Variants in ANO2 observed in about 807,000 individuals in gnomAD.
ANO2 encodes anoctamin 2, also known as anoctamin-2.
In ANO2, 101 loss-of-function variants were observed where a neutral mutation model predicts 124.2. That is an observed-to-expected ratio of 0.81 (90% CI 0.69 to 0.96). The LOEUF is 0.96. ANO2 is among the 40% of genes least tolerant of loss of function. The pLI is 0.00. For synonymous variants in ANO2, 486 were observed against 482.5 expected (o/e 1.01, Z -0.09); for missense variants, 1,293 against 1,274.5 (o/e 1.01, Z -0.22).
chr12:5,871,365 C>T (rs886193911), intron 3 of ANO2, among the ~76,000 whole-genome samples: 6 of 152,140 alleles, frequency 3.9e-5, no homozygotes, highest in African/African-American at 1.4e-4. Flanking sequence ...ACTTGGACAC[C>T]TCACACAGTG....
chr12:5,618,146 C>T (rs1298857539), intron 16 of ANO2, among the ~76,000 whole-genome samples: 4 of 152,206 alleles, frequency 2.6e-5, no homozygotes, highest in Non-Finnish European at 4.4e-5. Flanking sequence ...AATTTGCACA[C>T]TGAAAGGGGA....
intron 2 of ANO2, 44 bp downstream of exon 2, chr12:5,922,576 C>T (rs1941756952): frequency 6.7e-7 from 1 of 1,494,114 alleles, no homozygotes; most frequent in Non-Finnish European, 8.9e-7. Flanking sequence ...TGGCCTGCAA[C>T]AGGGCTGGCC....
At chr12:5,778,094 T>C (rs1159749228) in intron 10 of ANO2, among the ~76,000 whole-genome samples, 1 of 152,190 alleles carries the variant, frequency 6.6e-6, no homozygotes, top group Non-Finnish European at 1.5e-5. Flanking sequence ...AGCAGATTAA[T>C]TGCATGCCTA....
intron 19 of ANO2, among the ~76,000 whole-genome samples, chr12:5,608,573 A>C (rs1944330338): frequency 6.6e-6 from 1 of 152,140 alleles, no homozygotes; most frequent in Admixed American, 6.5e-5. Flanking sequence ...ATATGATTTT[A>C]ATGCCACCAT....
chr12:5,583,750 T>C (rs1233935875), intron 20 of ANO2: 1 of 158,098 alleles, frequency 6.3e-6, no homozygotes, highest in Non-Finnish European at 1.4e-5. Context: ...GCTTAAGAAT[T>C]CTCCTTTTTG....
At chr12:5,864,337 G>A (rs1221583828) in intron 3 of ANO2, among the ~76,000 whole-genome samples, 5 of 152,228 alleles carry the variant, frequency 3.3e-5, no homozygotes, top group East Asian at 1.9e-4. Context: ...AAAGATGTTG[G>A]CAGAAAGAAC....
chr12:5,796,400 G>A (rs1952852211), intron 10 of ANO2, among the ~76,000 whole-genome samples: 1 of 147,508 alleles, frequency 6.8e-6, no homozygotes, highest in Non-Finnish European at 1.5e-5. Context: ...ATATTCTCTG[G>A]CACACACACA....
chr12:5,667,960 A>G (rs1175497219), intron 14 of ANO2, among the ~76,000 whole-genome samples: 1 of 152,186 alleles, frequency 6.6e-6, no homozygotes, highest in Non-Finnish European at 1.5e-5. Context: ...TCATTGATGG[A>G]CATTTGGGTT....
At position 5,832,446 on chromosome 12, in the gene ANO2, A is replaced by T. The variant is rs71582855; in HGVS notation, c.785+6T>A. 5.2e-3 allele frequency: 8,435 copies of T among 1,613,670 alleles called. 42 individuals carry two copies. Among genetic ancestry groups the T allele is most frequent in the Middle Eastern group, 7.3e-3 (44 of 6,060 alleles). The stretch of plus-strand genomic sequence containing the variant: ...ACATCTCTGCTCCAGCAGCTTCAAT[A>T]CTCACAGGTACATCTTCTCCCTGGA... On this transcript the variant is annotated splice_donor_region_variant and intron_variant, in intron 5 of 24. Transcript: ENST00000682330.
chr12:5,801,317 T>G (rs1232367682), intron 9 of ANO2, among the ~76,000 whole-genome samples: 1 of 152,262 alleles, frequency 6.6e-6, no homozygotes, highest in East Asian at 1.9e-4. Flanking sequence ...GGGTCATCAT[T>G]AGACCTCATC....
At chr12:5,612,566 G>A (rs1275089530) in intron 19 of ANO2, 90 bp downstream of exon 19, 3 of 1,049,528 alleles carry the variant, frequency 2.9e-6, no homozygotes, top group Non-Finnish European at 4.4e-6. Context: ...TCTAAGAAGA[G>A]GAAAGGCCAT....
intron 15 of ANO2, among the ~76,000 whole-genome samples, chr12:5,641,695 T>C (rs534096558): frequency 2.0e-5 from 3 of 152,298 alleles, no homozygotes; most frequent in South Asian, 2.1e-4. Context: ...CTGGTGGCAG[T>C]TGTGGGACCC....
intron 3 of ANO2, among the ~76,000 whole-genome samples, chr12:5,870,662 C>T (rs899938222): frequency 1.3e-4 from 20 of 152,228 alleles, no homozygotes; most frequent in African/African-American, 4.6e-4. Context: ...AATAGAACTG[C>T]ATCTTTTCTT....
chr12:5,681,677 C>T (rs1045258851), intron 14 of ANO2, among the ~76,000 whole-genome samples: 1 of 152,204 alleles, frequency 6.6e-6, no homozygotes, highest in South Asian at 2.1e-4. Flanking sequence ...TTCCTCTAAC[C>T]TTTTCCTTCC....
chr12:5,656,091 G>A (rs1947137716), intron 14 of ANO2, among the ~76,000 whole-genome samples: 1 of 152,034 alleles, frequency 6.6e-6, no homozygotes, highest in Non-Finnish European at 1.5e-5. Flanking sequence ...GAAGTGGATG[G>A]AAGGTGAGGG....
Position 5,765,212 on chromosome 12 carries a change from A to G in ANO2, c.1056-14242T>C, listed in dbSNP as rs1157761327. Reference sequence around the variant, plus strand: ...AAAAATTCCAATGCCCACAGGAGCCAGGAAGATAACAAAATGATTGAAGCC... The same window carrying G: ...AAAAATTCCAATGCCCACAGGAGCCGGGAAGATAACAAAATGATTGAAGCC... On this transcript the variant is annotated intron_variant, in intron 10 of 24. Transcript: ENST00000682330. Among the ~76,000 whole-genome samples the G allele has an allele frequency of 2.0e-5, 3 of 152,200 alleles. No homozygotes were observed. In the East Asian group the frequency reaches 5.8e-4, roughly 29 times the overall value.
chr12:5,611,096 A>G (rs61576309), intron 19 of ANO2, among the ~76,000 whole-genome samples: 33,463 of 149,844 alleles, frequency 0.22, 3,832 homozygotes, highest in African/African-American at 0.25. Context: ...TCAGCCTCCC[A>G]AGTAGCTGGG....
chr12:5,856,263 G>A (rs1323118211), intron 3 of ANO2: 2 of 152,186 alleles, frequency 1.3e-5, no homozygotes, highest in Non-Finnish European at 2.9e-5. Flanking sequence ...ATTACCCTTT[G>A]TCTTTATTTT....
At chr12:5,615,814 T>G (rs1944776060) in intron 16 of ANO2, among the ~76,000 whole-genome samples, 1 of 152,162 alleles carries the variant, frequency 6.6e-6, no homozygotes. Flanking sequence ...TTAATTTGGA[T>G]GAATGCAGGA....
Sources: allele counts gnomAD v4.1 joint callset (sites outside exome capture counted in the v4.1 genomes callset), GRCh38; gene constraint gnomAD v4.1.1; transcripts MANE v1.5; gene names NCBI Gene and HGNC (gene_info 2026-07-23, HGNC 2026-07-21).